STX8: variants seen among roughly 807,000 people sequenced by gnomAD.
The protein encoded by STX8 is syntaxin-8.
Under a neutral mutation model 37.5 loss-of-function variants are expected in STX8, and 23 were observed. The ratio of observed to expected loss-of-function variants is 0.61; its 90% CI spans 0.44 to 0.87. The LOEUF (loss-of-function observed/expected upper bound fraction) is 0.87, where lower values mean the gene tolerates loss of function less well. Ranked by LOEUF, STX8 falls within the 40% of genes least tolerant of loss-of-function variation. The probability of loss-of-function intolerance (pLI) is 0.00; values close to 1 mark genes in which losing one functional copy is unlikely to be tolerated. For missense variants in STX8, 313 were observed against 284.7 expected (o/e 1.10, Z -0.71); for synonymous variants, 115 against 99.1 (o/e 1.16, Z -0.95).
chr17:9,377,640 T>G lies in STX8; in HGVS notation c.643+912A>C, dbSNP rs563169990. On this transcript the variant is annotated intron_variant, in intron 7 of 7. Coordinates refer to ENST00000306357, the MANE Select transcript of STX8 (RefSeq NM_004853.3). The stretch of plus-strand genomic sequence containing the variant: ...AATGGCTGGCTATTTTTTTGTATCT[T>G]TAGTAGAGACAGGGTCTCGCCATGT... Among the ~76,000 whole-genome samples, 88 of 152,250 alleles carry G rather than the reference T, an allele frequency of 5.8e-4. 1 individual carries two copies. Among genetic ancestry groups the G allele is most frequent in the Admixed American group, 5.3e-3 (81 of 15,290 alleles).
chr17:9,251,175 C>G (rs1906561875), intron 7 of STX8, among the ~76,000 whole-genome samples: 1 of 152,192 alleles, frequency 6.6e-6, no homozygotes, highest in South Asian at 2.1e-4. Context: ...CTAGTATTTG[C>G]TAGTTTCATT....
chr17:9,502,809 GA>G (rs1904667766), intron 5 of STX8, among the ~76,000 whole-genome samples: 1 of 151,938 alleles, frequency 6.6e-6, no homozygotes, highest in Non-Finnish European at 1.5e-5. Flanking sequence ...TATAATATAA[GA>G]GTGAAATGCA....
At chr17:9,430,084 A>G (rs1184380987) in intron 6 of STX8, among the ~76,000 whole-genome samples, 2 of 70,012 alleles carry the variant, frequency 2.9e-5, no homozygotes, top group African/African-American at 5.4e-5. Flanking sequence ...TATAATATAT[A>G]TATTCTATAT....
intron 7 of STX8, among the ~76,000 whole-genome samples, chr17:9,254,177 G>A (rs2142117887): frequency 6.6e-6 from 1 of 152,306 alleles, no homozygotes; most frequent in Admixed American, 6.5e-5. Flanking sequence ...TCTGCGCGCT[G>A]TGTTTGAGCC....
chr17:9,399,934 C>G (rs2142316531), intron 6 of STX8, among the ~76,000 whole-genome samples: 1 of 150,880 alleles, frequency 6.6e-6, no homozygotes, highest in South Asian at 2.1e-4. Flanking sequence ...AAGTGTCTTC[C>G]AAAATATTAA....
intron 4 of STX8, among the ~76,000 whole-genome samples, chr17:9,523,360 T>C (rs981876932): frequency 6.9e-6 from 1 of 144,420 alleles, no homozygotes; most frequent in African/African-American, 2.5e-5. Flanking sequence ...TGTACACTTA[T>C]ATGTCAATTA....
chr17:9,478,672 A>T (rs1422748549), intron 6 of STX8, among the ~76,000 whole-genome samples: 3 of 152,158 alleles, frequency 2.0e-5, no homozygotes, highest in Non-Finnish European at 4.4e-5. Flanking sequence ...GTCCTGTCTC[A>T]TGACCCCTCC....
At chr17:9,335,496 A>G (rs1910105659) in intron 7 of STX8, among the ~76,000 whole-genome samples, 1 of 152,198 alleles carries the variant, frequency 6.6e-6, no homozygotes, top group South Asian at 2.1e-4. Flanking sequence ...TCAAATGTCA[A>G]TGTGAGTTTT....
At chr17:9,471,378 C>A (rs1224717570) in intron 6 of STX8, among the ~76,000 whole-genome samples, 1 of 151,850 alleles carries the variant, frequency 6.6e-6, no homozygotes, top group Non-Finnish European at 1.5e-5. Flanking sequence ...GTCTCGAACT[C>A]CTGACCTCAT....
intron 3 of STX8, among the ~76,000 whole-genome samples, chr17:9,545,501 TAAA>T (rs1906469050): frequency 6.6e-6 from 1 of 152,198 alleles, no homozygotes; most frequent in Non-Finnish European, 1.5e-5. Context: ...GAGGCACTTA[TAAA>T]CACTGACGTG....
At chr17:9,327,531 CAG>C (rs1226582341) in intron 7 of STX8, among the ~76,000 whole-genome samples, 1 of 152,084 alleles carries the variant, frequency 6.6e-6, no homozygotes, top group East Asian at 1.9e-4. Flanking sequence ...TGTTGATGGA[CAG>C]AGAGGGGAAG....
At chr17:9,263,757 CAA>C (rs1277056270) in intron 7 of STX8, among the ~76,000 whole-genome samples, 2 of 152,198 alleles carry the variant, frequency 1.3e-5, no homozygotes, top group Non-Finnish European at 2.9e-5. Context: ...AATCCTGGGG[CAA>C]AGAGTATGTG....
intron 2 of STX8, among the ~76,000 whole-genome samples, chr17:9,559,743 T>TATATAC (rs1555537481): frequency 1.1e-4 from 5 of 44,158 alleles, no homozygotes; most frequent in East Asian, 2.1e-3. Flanking sequence ...TTTATATATA[T>TATATAC]ATATATATAT....
At chr17:9,294,167 G>A (rs1054142547) in intron 7 of STX8, among the ~76,000 whole-genome samples, 4 of 152,186 alleles carry the variant, frequency 2.6e-5, no homozygotes, top group Admixed American at 1.3e-4. Context: ...CTATTGCAGT[G>A]CTGTTGGTCA....
chr17:9,428,887 C>T (rs757531249), intron 6 of STX8, among the ~76,000 whole-genome samples: 1 of 152,112 alleles, frequency 6.6e-6, no homozygotes, highest in South Asian at 2.1e-4. Flanking sequence ...GTGGACAACA[C>T]CGGTCTATTC....
rs1415149586 is a variant in STX8, at chr17:9,557,427, TG to T, written c.212+6del. On this transcript the variant is annotated splice_donor_region_variant and intron_variant, in intron 3 of 7. Coordinates refer to ENST00000306357, the MANE Select transcript of STX8 (RefSeq NM_004853.3). ...TAGAAAAGAGGTGGAAATGTTTACA[TG>T]GATACATCTGATGTGTTGACACAGC... 1 of 1,609,808 alleles carries T rather than the reference TG, an allele frequency of 6.2e-7. No homozygotes were observed. The highest frequency in any genetic ancestry group is 2.2e-5 in the East Asian group (1 of 44,864).
At chr17:9,536,465 T>C (rs143314109) in intron 4 of STX8, among the ~76,000 whole-genome samples, 12 of 152,286 alleles carry the variant, frequency 7.9e-5, no homozygotes, top group African/African-American at 1.2e-4. Context: ...TAATCTGTTA[T>C]ATGTGGTTGA....
chr17:9,321,617 T>C (rs1909581119), intron 7 of STX8, among the ~76,000 whole-genome samples: 1 of 151,526 alleles, frequency 6.6e-6, no homozygotes, highest in Non-Finnish European at 1.5e-5. Flanking sequence ...CCTCCCAGGT[T>C]CAAGCGGTTC....
At chr17:9,551,081 A>G (rs1906743368) in intron 3 of STX8, among the ~76,000 whole-genome samples, 1 of 152,244 alleles carries the variant, frequency 6.6e-6, no homozygotes, top group Admixed American at 6.5e-5. Context: ...GTCTCAAAAA[A>G]AAATAGAATT....
Sources: gnomAD v4.1 joint callset for allele counts (sites outside exome capture counted in the v4.1 genomes callset) on GRCh38, gnomAD v4.1.1 for gene constraint, MANE v1.5 for transcripts, NCBI Gene and HGNC (gene_info 2026-07-23, HGNC 2026-07-21) for gene names.